DPP9: variants seen among roughly 807,000 people sequenced by gnomAD.
DPP9 encodes the protein dipeptidyl peptidase 9.
In DPP9, 50 loss-of-function variants were observed where a neutral mutation model predicts 110.7. The ratio of observed to expected loss-of-function variants is 0.45; its 90% confidence interval spans 0.36 to 0.57. The LOEUF (loss-of-function observed/expected upper bound fraction) is 0.57, where lower values mean the gene tolerates loss of function less well. Ranked by LOEUF, DPP9 falls within the 20% of genes least tolerant of loss-of-function variation. The probability of loss-of-function intolerance (pLI) is 0.00; values close to 1 mark genes in which losing one functional copy is unlikely to be tolerated. For missense variants in DPP9, 1,022 were observed against 1,217.9 expected (o/e 0.84, Z 2.39); for synonymous variants, 561 against 514.4 (o/e 1.09, Z -1.23).
chr19:4,705,090 G>C (rs2092512702), intron 5 of DPP9, among the ~76,000 whole-genome samples: 1 of 152,184 alleles, frequency 6.6e-6, no homozygotes, highest in South Asian at 2.1e-4. Context: ...CTCAGAGACA[G>C]GCCAAAGTGA....
chr19:4,691,587 C>T (rs1007884763), intron 13 of DPP9, among the ~76,000 whole-genome samples: 8 of 136,962 alleles, frequency 5.8e-5, no homozygotes, highest in African/African-American at 8.3e-5. Flanking sequence ...GTGTGTGGCA[C>T]GGGAAGGGGG....
In DPP9 at chr19:4,700,318, C is replaced by T. The variant is rs777859459; in HGVS notation, c.1013-41G>A. Reference sequence around the variant, plus strand: ...TGAGGTGAACACCAGGCAGGCATCACCCGTGTGTGCCGAGAGCCGGCACGG... The same window carrying T: ...TGAGGTGAACACCAGGCAGGCATCATCCGTGTGTGCCGAGAGCCGGCACGG... On this transcript the variant is annotated intron_variant, in intron 9 of 21. Transcript: ENST00000262960. The surrounding 1 kb of genome is among the most constrained non-coding windows in gnomAD (Gnocchi z 4.3). 1 of 1,552,776 alleles carries T rather than the reference C, an allele frequency of 6.4e-7. No individual in the cohort carries two copies. The highest frequency in any genetic ancestry group is 1.2e-5 in the South Asian group (1 of 85,270).
At chr19:4,708,117 C>T (rs1203578759) in intron 4 of DPP9, among the ~76,000 whole-genome samples, 1 of 152,194 alleles carries the variant, frequency 6.6e-6, no homozygotes, top group Non-Finnish European at 1.5e-5. Context: ...GCTCAGCCAG[C>T]TGCAGGTTTT....
rs117374162 is a variant in DPP9 at position 4,683,955 on chromosome 19, C to T, written c.2179-326G>A. 5,615 of 727,276 alleles carry T rather than the reference C, an allele frequency of 7.7e-3. 40 individuals carry two copies. Among genetic ancestry groups the T allele is most frequent in the Non-Finnish European group, 9.8e-3 (4,709 of 482,152 alleles). 45.1% of individuals were successfully genotyped at this position (727,276 alleles called of 1,614,324 possible). On this transcript the variant is annotated intron_variant, in intron 18 of 21. Coordinates refer to ENST00000262960, the MANE Select transcript of DPP9 (RefSeq NM_139159.5). ...CTAGAGGGCACAAGGAAGAAAAAGACGGGTGCCCAGGCATGTGCAAGGGCA... is the reference window on the plus strand; with the variant it reads ...CTAGAGGGCACAAGGAAGAAAAAGATGGGTGCCCAGGCATGTGCAAGGGCA...
Position 4,694,575 on chromosome 19 carries a change from G to C in DPP9, c.1516+86C>G, listed in dbSNP as rs569998300. The stretch of plus-strand genomic sequence containing the variant: ...CTCCCGCAGGGTGTGCTGGCTGAGT[G>C]GGGGGGCCGACCAATGAACAAACAG... On this transcript the variant is annotated intron_variant, in intron 13 of 21. Transcript: ENST00000262960. The surrounding 1 kb of genome is among the most constrained non-coding windows in gnomAD (Gnocchi z 4.0). 5 of 1,462,698 alleles carry C rather than the reference G, an allele frequency of 3.4e-6. No individual in the cohort carries two copies. The highest frequency in any genetic ancestry group is 2.0e-5 in the Admixed American group (1 of 48,972). The allele number at this position is 1,462,698 out of a possible 1,614,324, so 90.6% of individuals were successfully genotyped here.
Position 4,685,160 on chromosome 19 carries a change from G to GGA in DPP9, c.2032-353_2032-352dup, listed in dbSNP as rs1295605227. ...GGTGCTGAGAAGCCACTCCAGGCCA[G>GGA]GAGAACTCGCAGTGGTGATGAACCA... On this transcript the variant is annotated intron_variant, in intron 17 of 21. Coordinates refer to ENST00000262960, the MANE Select transcript of DPP9 (RefSeq NM_139159.5). The surrounding 1 kb of genome is among the most constrained non-coding windows in gnomAD (Gnocchi z 5.8). 1.8e-6 allele frequency: 1 copy of GGA among 547,400 alleles called. No homozygotes were observed. The highest frequency in any genetic ancestry group is 3.5e-6 in the Non-Finnish European group (1 of 285,966). The allele number at this position is 547,400 out of a possible 1,614,324, so 33.9% of individuals were successfully genotyped here.
rs1295933864 is a variant in DPP9 at position 4,685,040 on chromosome 19, C to T, written c.2032-231G>A. The T allele has an allele frequency of 1.5e-6, 1 of 676,586 alleles. No individual in the cohort carries two copies. The highest frequency in any genetic ancestry group is 2.7e-6 in the Non-Finnish European group (1 of 369,784). 41.9% of individuals were successfully genotyped at this position (676,586 alleles called of 1,614,324 possible). A position where few individuals can be genotyped will look rare whatever the true frequency, so the allele number is the denominator to read the frequency against. On this transcript the variant is annotated intron_variant, in intron 17 of 21. Coordinates refer to ENST00000262960, the MANE Select transcript of DPP9 (RefSeq NM_139159.5). The surrounding 1 kb of genome is among the most constrained non-coding windows in gnomAD (Gnocchi z 5.8). Reference sequence around the variant, plus strand: ...GGGCCACTGTCAGGCTCTTTCTCAGCTGGGCCACTGCCCCAGTCCTGCCTG... The same window carrying T: ...GGGCCACTGTCAGGCTCTTTCTCAGTTGGGCCACTGCCCCAGTCCTGCCTG...
chr19:4,721,728 C>T (rs1004536180), intron 2 of DPP9, among the ~76,000 whole-genome samples: 40 of 152,178 alleles, frequency 2.6e-4, no homozygotes, highest in African/African-American at 9.7e-4. Context: ...TTGCAGTGAG[C>T]TAAGATTGTG....
intron 16 of DPP9, chr19:4,688,415 A>T: frequency 3.7e-6 from 1 of 270,328 alleles, no homozygotes. Context: ...GCTGATGAAA[A>T]TGTTTACTTG....
intron 20 of DPP9, among the ~76,000 whole-genome samples, chr19:4,681,842 CTTTTTT>C (rs778786711): frequency 1.7e-4 from 20 of 115,742 alleles, no homozygotes; most frequent in Admixed American, 3.5e-4. Context: ...CCCAGGCAGA[CTTTTTT>C]TTTTTTTTTT....
rs2090162233 is a variant in DPP9 at position 4,683,142 on chromosome 19, C to T, written c.2332-304G>A. The T allele has an allele frequency of 2.1e-6, 3 of 1,458,848 alleles. No homozygotes were observed. In the South Asian group the frequency reaches 3.8e-5, roughly 18 times the overall value. The allele number at this position is 1,458,848 out of a possible 1,614,324, so 90.4% of individuals were successfully genotyped here. On this transcript the variant is annotated intron_variant, in intron 19 of 21. Transcript: ENST00000262960. Reference sequence around the variant, plus strand: ...TCGCCGCCGCCCCGCAGTGCCCTGACTGCCGCCGGCCTGGGGCCCCCCCGC... The same window carrying T: ...TCGCCGCCGCCCCGCAGTGCCCTGATTGCCGCCGGCCTGGGGCCCCCCCGC...
At chr19:4,699,440 A>G (rs1338031010) in intron 10 of DPP9, among the ~76,000 whole-genome samples, 1 of 152,070 alleles carries the variant, frequency 6.6e-6, no homozygotes, top group Non-Finnish European at 1.5e-5. Flanking sequence ...GGGATTTGCA[A>G]CTTCCGAGAG....
chr19:4,719,500 T>G, intron 3 of DPP9: 3 of 331,904 alleles, frequency 9.0e-6, no homozygotes, highest in Non-Finnish European at 5.7e-6. Context: ...CAGGAGTGAT[T>G]CTGCCCCCAG....
intron 4 of DPP9, among the ~76,000 whole-genome samples, chr19:4,709,311 G>A (rs1267705913): frequency 6.6e-6 from 1 of 152,132 alleles, no homozygotes; most frequent in Non-Finnish European, 1.5e-5. Context: ...AAGCGCGCTT[G>A]TGAAGTACAG....
rs897359219 is a variant in DPP9, at chr19:4,693,018, C to T, written c.1516+1643G>A. Among the ~76,000 whole-genome samples, 17 of 152,116 alleles carry T rather than the reference C, an allele frequency of 1.1e-4. No individual in the cohort carries two copies. Among genetic ancestry groups the T allele is most frequent in the African/African-American group, 1.9e-4 (8 of 41,440 alleles). ...TCAGCTCCTGCAGTCCCGGATGCCT[C>T]GCTCCCTGGGGTCTCTGTCCCCTGT... is the stretch of plus-strand genomic sequence containing the variant. On this transcript the variant is annotated intron_variant, in intron 13 of 21. Coordinates refer to ENST00000262960, the MANE Select transcript of DPP9 (RefSeq NM_139159.5). This position sits in a 1 kb window ranked among gnomAD's most constrained non-coding sequence, Gnocchi z 5.0.
At chr19:4,699,016 G>A (rs984196529) in intron 10 of DPP9, among the ~76,000 whole-genome samples, 2 of 151,256 alleles carry the variant, frequency 1.3e-5, no homozygotes, top group African/African-American at 4.9e-5. Context: ...AAAATTAGCC[G>A]GGCATGGTGG....
At chr19:4,711,148 C>A (rs1021023214) in intron 4 of DPP9, among the ~76,000 whole-genome samples, 1 of 152,138 alleles carries the variant, frequency 6.6e-6, no homozygotes, top group Non-Finnish European at 1.5e-5. Context: ...CGGACAGATG[C>A]CTGGCTTCTG....
chr19:4,712,720 G>A (rs906166886), intron 4 of DPP9, among the ~76,000 whole-genome samples: 1 of 152,162 alleles, frequency 6.6e-6, no homozygotes, highest in African/African-American at 2.4e-5. Flanking sequence ...GTCACCTGCC[G>A]ACCCCTGTTC....
rs373425668 is a variant in DPP9 at position 4,682,735 on chromosome 19, G to A, written c.2435C>T (p.Ala812Val). 4 of 1,608,622 alleles carry A rather than the reference G, an allele frequency of 2.5e-6. No homozygotes were observed. Among genetic ancestry groups the A allele is most frequent in the African/African-American group, 1.3e-5 (1 of 74,876 alleles). Reference sequence around the variant, plus strand: ...CTCCACGTGCAGGGCCACGGAACCCGCCTCATAGCCGTGCTGGTTGTTCTC... The same window carrying A: ...CTCCACGTGCAGGGCCACGGAACCCACCTCATAGCCGTGCTGGTTGTTCTC... Reference protein sequence around the residue: ...VPENNQHGYEAGSVALHVEKL... With the variant: ...VPENNQHGYEVGSVALHVEKL... Residue 812 changes from alanine (A) to valine (V), a missense_variant, in exon 20 of 22, where the codon GCG becomes GTG. Coordinates refer to ENST00000262960, the MANE Select transcript of DPP9 (RefSeq NM_139159.5). The surrounding 1 kb of genome is among the most constrained non-coding windows in gnomAD (Gnocchi z 7.1).
Sources: allele counts gnomAD v4.1 joint callset (sites outside exome capture counted in the v4.1 genomes callset), GRCh38; gene constraint gnomAD v4.1.1; non-coding constraint Gnocchi (gnomAD v3.1); transcripts MANE v1.5; gene names NCBI Gene and HGNC (gene_info 2026-07-23, HGNC 2026-07-21).